The following CCL28 variants were observed in gnomAD, a reference collection of about 807,000 sequenced individuals.
The protein encoded by CCL28 is C-C motif chemokine ligand 28, also known as C-C motif chemokine 28.
CCL28 carries 4 observed loss-of-function variants against 7.1 expected under a neutral mutation model. That is an observed-to-expected ratio of 0.56 (90% CI 0.28 to 1.29). CCL28 has a LOEUF of 1.29. Among genes scored for constraint, CCL28 ranks in the 50% most tolerant of loss-of-function variants. The pLI, the probability that CCL28 is intolerant of heterozygous loss-of-function variation, is 0.11. For synonymous variants in CCL28, 55 were observed against 57.8 expected, an observed-to-expected ratio of 0.95 and a Z score of 0.22; for missense variants, 151 against 163.4, an observed-to-expected ratio of 0.92 and a Z score of 0.41.
intron 1 of CCL28, among the ~76,000 whole-genome samples, chr5:43,394,767 T>C (rs1740730374): frequency 6.6e-6 from 1 of 152,182 alleles, no homozygotes; most frequent in South Asian, 2.1e-4. Context: ...TAAAGGATTT[T>C]TCTCTTTTAA....
chr5:43,392,644 A>C (rs1051130635), intron 1 of CCL28, among the ~76,000 whole-genome samples: 2 of 152,180 alleles, frequency 1.3e-5, no homozygotes, highest in African/African-American at 4.8e-5. Context: ...GCACATCCTC[A>C]ACAACTTTTC....
chr5:43,395,043 A>C lies in CCL28; in HGVS notation c.65-6567T>G, dbSNP rs566293970. ...GGTATGTTAATCTCAACAATGCATT[A>C]GGTAGTTTTCTCTGTTCTTCCATCC... On this transcript the variant is annotated intron_variant, in intron 1 of 2. Transcript: ENST00000361115. Among the ~76,000 whole-genome samples, 8 of 151,414 alleles carry C rather than the reference A, an allele frequency of 5.3e-5. No individual in the cohort carries two copies. In the South Asian group the frequency reaches 1.5e-3, roughly 28 times the overall value.
chr5:43,370,400 C>G, the CCL28 span, among the ~76,000 whole-genome samples: 1 of 152,070 alleles, frequency 6.6e-6, no homozygotes, highest in Non-Finnish European at 1.5e-5. Flanking sequence ...TCTGTTGTCT[C>G]TTGGTGGTTG....
chr5:43,410,676 C>T lies in CCL28; in HGVS notation c.64+1577G>A, dbSNP rs559179470. 7.2e-5 allele frequency among the ~76,000 whole-genome samples: 11 copies of T among 152,246 alleles called. No individual in the cohort carries two copies. In the South Asian group the frequency reaches 1.0e-3, roughly 14 times the overall value. On this transcript the variant is annotated intron_variant, in intron 1 of 2. Transcript: ENST00000361115. ...CCCTCCTTTCCTGTAGGAGAGCTGC[C>T]GCTGTGGGGACAGGTGGGAGTAGGT... is the stretch of plus-strand genomic sequence containing the variant.
the CCL28 span, among the ~76,000 whole-genome samples, chr5:43,367,806 C>T: frequency 1.3e-5 from 2 of 152,356 alleles, no homozygotes; most frequent in African/African-American, 4.8e-5. Context: ...CTAGCTGTTC[C>T]TATTTGGCTA....
chr5:43,360,230 A>G, the CCL28 span, among the ~76,000 whole-genome samples: 23 of 152,150 alleles, frequency 1.5e-4, no homozygotes, highest in South Asian at 6.2e-4. Flanking sequence ...TGGTCCCCAG[A>G]CCCACGTAAA....
the CCL28 span, among the ~76,000 whole-genome samples, chr5:43,365,300 G>A: frequency 6.6e-6 from 1 of 152,268 alleles, no homozygotes; most frequent in East Asian, 1.9e-4. Context: ...ACTGTGCCCA[G>A]TGGTCTTCAC....
rs1051187557 is a variant in CCL28 at position 43,396,642 on chromosome 5, G to C, written c.65-8166C>G. 4.6e-5 allele frequency among the ~76,000 whole-genome samples: 7 copies of C among 152,062 alleles called. No homozygotes were observed. The South Asian group carries it at 6.2e-4, about 14-fold the overall frequency. ...AAAAGTACTATTTATTATAATGGGT[G>C]GGGTACAGTTAAATTTAGCCCTAAA... On this transcript the variant is annotated intron_variant, in intron 1 of 2. Transcript: ENST00000361115.
intron 2 of CCL28, among the ~76,000 whole-genome samples, chr5:43,387,119 C>T (rs951214268): frequency 1.3e-5 from 2 of 152,192 alleles, no homozygotes; most frequent in African/African-American, 4.8e-5. Flanking sequence ...GGTGTTAAAA[C>T]CAGCATGCCA....
chr5:43,395,916 G>GT (rs898227280), intron 1 of CCL28, among the ~76,000 whole-genome samples: 1 of 127,900 alleles, frequency 7.8e-6, no homozygotes, highest in Admixed American at 9.5e-5. Context: ...CTGTTGCCCA[G>GT]ACTGGAGTGC....
Position 43,381,884 on chromosome 5 carries a change from T to A in CCL28, c.360A>T (p.Thr120=). 2 of 1,614,024 alleles carry A rather than the reference T, an allele frequency of 1.2e-6. No homozygotes were observed. The highest frequency in any genetic ancestry group is 1.7e-6 in the Non-Finnish European group (2 of 1,179,934). Reference sequence around the variant, plus strand: ...TCTAATAAGGAGTTTTATGGCCGTATGTTTCGTGTTTCCCCTGATGTGCCC... The same window carrying A: ...TCTAATAAGGAGTTTTATGGCCGTAAGTTTCGTGTTTCCCCTGATGTGCCC... ...SNRAHQGKHE[T]YGHKTPY The change falls in exon 3 of 3, where the codon ACA becomes ACT. Residue 120 remains threonine, a synonymous_variant. Coordinates refer to ENST00000361115, the MANE Select transcript of CCL28 (RefSeq NM_148672.3).
At chr5:43,369,624 A>G in the CCL28 span, among the ~76,000 whole-genome samples, 2 of 152,010 alleles carry the variant, frequency 1.3e-5, no homozygotes, top group Admixed American at 1.3e-4. Context: ...GGGTTTCACC[A>G]TGTTGGCCAG....
chr5:43,384,620 A>T (rs1740261103), intron 2 of CCL28, among the ~76,000 whole-genome samples: 1 of 151,878 alleles, frequency 6.6e-6, no homozygotes, highest in Non-Finnish European at 1.5e-5. Context: ...TTTGACTGTA[A>T]GAAATCCTGA....
At chr5:43,408,811 A>G (rs1264465042) in intron 1 of CCL28, among the ~76,000 whole-genome samples, 2 of 151,578 alleles carry the variant, frequency 1.3e-5, no homozygotes, top group African/African-American at 4.8e-5. Flanking sequence ...TACACTAAGT[A>G]TTTGTAACTT....
At position 43,380,948 on chromosome 5, in the gene CCL28, T is replaced by G. The variant is rs1455388467; in HGVS notation, c.*912A>C. 2.0e-5 allele frequency: 3 copies of G among 151,936 alleles called. No individual in the cohort carries two copies. Among genetic ancestry groups the G allele is most frequent in the Non-Finnish European group, 4.4e-5 (3 of 67,998 alleles). The allele number at this position is 151,936 out of a possible 1,614,324, so 9.4% of individuals were successfully genotyped here. A position where few individuals can be genotyped will look rare whatever the true frequency, so the allele number is the denominator to read the frequency against. ...GGAGTGAAAAAAAAACTACATAAAA[T>G]GCTCTCTAAATAGTTGGGAAAATTT... On this transcript the variant is annotated 3_prime_UTR_variant, in exon 3 of 3. Coordinates refer to ENST00000361115, the MANE Select transcript of CCL28 (RefSeq NM_148672.3).
intron 1 of CCL28, among the ~76,000 whole-genome samples, chr5:43,397,989 C>T (rs1740881747): frequency 6.6e-6 from 1 of 151,910 alleles, no homozygotes; most frequent in Non-Finnish European, 1.5e-5. Context: ...AGAAAAAGCT[C>T]CCTTGGGAAA....
chr5:43,372,588 C>G (rs1579711576), downstream of CCL28, among the ~76,000 whole-genome samples: 1 of 151,850 alleles, frequency 6.6e-6, no homozygotes, highest in African/African-American at 2.4e-5. Context: ...AGGCTGGTCT[C>G]AAACTCCTGA....
intron 1 of CCL28, among the ~76,000 whole-genome samples, chr5:43,408,075 A>C (rs1741369495): frequency 6.6e-6 from 1 of 152,260 alleles, no homozygotes; most frequent in Admixed American, 6.5e-5. Context: ...TGTGGAAGAC[A>C]GTGTGGTGAT....
At chr5:43,387,158 G>A (rs1465673993) in intron 2 of CCL28, among the ~76,000 whole-genome samples, 10 of 152,304 alleles carry the variant, frequency 6.6e-5, no homozygotes, top group African/African-American at 2.2e-4. Flanking sequence ...GGATGCAGTA[G>A]AGTTTGGAGA....
Sources: allele counts gnomAD v4.1 joint callset (sites outside exome capture counted in the v4.1 genomes callset), GRCh38; gene constraint gnomAD v4.1.1; transcripts MANE v1.5; gene names NCBI Gene and HGNC (gene_info 2026-07-23, HGNC 2026-07-21).